Variants in SMURF1 observed in about 807,000 individuals in gnomAD.
SMURF1 encodes the protein E3 ubiquitin-protein ligase SMURF1.
SMURF1 carries 44 observed loss-of-function variants against 98.0 expected under a neutral mutation model. That is an observed-to-expected ratio of 0.45 (90% confidence interval 0.35 to 0.58). SMURF1 has a LOEUF of 0.58. SMURF1 is among the 20% of genes least tolerant of loss of function. SMURF1 has a pLI of 0.00. For missense variants in SMURF1, 687 were observed against 938.4 expected, an observed-to-expected ratio of 0.73 and a Z score of 3.50; for synonymous variants, 396 against 374.9, an observed-to-expected ratio of 1.06 and a Z score of -0.65.
At chr7:99,080,970 C>G (rs1297237494) in intron 1 of SMURF1, 1 of 152,262 alleles carries the variant, frequency 6.6e-6, no homozygotes, top group Non-Finnish European at 1.5e-5. Context: ...AAGCCCGAAG[C>G]CACCGAACTC....
At chr7:99,127,760 T>G (rs1372707525) in intron 1 of SMURF1, among the ~76,000 whole-genome samples, 2 of 152,190 alleles carry the variant, frequency 1.3e-5, no homozygotes, top group African/African-American at 4.8e-5. Context: ...TATTCTAGTA[T>G]GAGAAACACC....
intron 1 of SMURF1, among the ~76,000 whole-genome samples, chr7:99,128,765 C>T (rs1451675525): frequency 6.6e-6 from 1 of 152,190 alleles, no homozygotes; most frequent in African/African-American, 2.4e-5. Context: ...AGGTTACCGG[C>T]ACTACCATTT....
At chr7:99,076,993 T>TAA (rs932552076) in intron 1 of SMURF1, among the ~76,000 whole-genome samples, 1 of 138,062 alleles carries the variant, frequency 7.2e-6, no homozygotes, top group African/African-American at 2.8e-5. Flanking sequence ...ATGTCTATAA[T>TAA]AAAAAAAAAA....
At chr7:99,120,496 C>T (rs150776100) in intron 1 of SMURF1, 1 of 151,466 alleles carries the variant, frequency 6.6e-6, no homozygotes, top group African/African-American at 2.4e-5. Flanking sequence ...ACCACCAAAT[C>T]CTCTCTCCTG....
In SMURF1 at chr7:99,084,608, C is replaced by T. The variant is rs956000065; in HGVS notation, c.56-22771G>A. 5.9e-5 allele frequency among the ~76,000 whole-genome samples: 9 copies of T among 152,146 alleles called. 1 individual carries two copies. On this transcript the variant is annotated intron_variant, in intron 1 of 17. Coordinates refer to ENST00000361368, the MANE Select transcript of SMURF1 (RefSeq NM_181349.3). ...AATATATGGCCAGGATAGTCTCAAT[C>T]TCTTGGCCTCATGATCCACCCACCT...
At chr7:99,066,062 C>G (rs1435785091) in intron 1 of SMURF1, among the ~76,000 whole-genome samples, 1 of 151,466 alleles carries the variant, frequency 6.6e-6, no homozygotes, top group Non-Finnish European at 1.5e-5. Flanking sequence ...AAAAAAGGCA[C>G]AAGCGAGAAG....
At chr7:99,052,050 G>A (rs539844644) in intron 7 of SMURF1, among the ~76,000 whole-genome samples, 155 bp downstream of exon 7, 49 of 152,016 alleles carry the variant, frequency 3.2e-4, no homozygotes, top group African/African-American at 1.1e-3. Context: ...CGCGAGGATC[G>A]CTTGAGCTAG....
intron 13 of SMURF1, 149 bp downstream of exon 13, chr7:99,040,229 A>C: frequency 1.2e-6 from 1 of 865,482 alleles, no homozygotes; most frequent in Non-Finnish European, 1.6e-6. Context: ...CTTCCAAAAA[A>C]TCCCCTTTTT....
chr7:99,116,561 T>A (rs1797459690), intron 1 of SMURF1, among the ~76,000 whole-genome samples: 1 of 152,180 alleles, frequency 6.6e-6, no homozygotes, highest in Non-Finnish European at 1.5e-5. Flanking sequence ...TGTATTTCAA[T>A]ATACCAGCAA....
At chr7:99,119,639 G>A (rs564671228) in intron 1 of SMURF1, among the ~76,000 whole-genome samples, 29 of 152,308 alleles carry the variant, frequency 1.9e-4, no homozygotes, top group African/African-American at 6.3e-4. Context: ...TCAATGATAA[G>A]CTCCAATCCT....
At chr7:99,033,196 A>T (rs1794984699) in intron 16 of SMURF1, 75 bp from the exon 17 acceptor site, 2 of 1,446,608 alleles carry the variant, frequency 1.4e-6, no homozygotes, top group African/African-American at 2.8e-5. Flanking sequence ...AGCCCCCAGG[A>T]GCAGGGCCCT....
chr7:99,115,130 T>C (rs1797408256), intron 1 of SMURF1, among the ~76,000 whole-genome samples: 1 of 151,526 alleles, frequency 6.6e-6, no homozygotes. Context: ...AAAGGAAATA[T>C]TAAAGATTAG....
intron 1 of SMURF1, among the ~76,000 whole-genome samples, chr7:99,093,621 A>G (rs568679009): frequency 1.6e-3 from 249 of 152,228 alleles, no homozygotes; most frequent in African/African-American, 5.8e-3. Flanking sequence ...TGCAAAAAAA[A>G]AAAATCATTT....
At chr7:99,095,843 G>A (rs1191851764) in intron 1 of SMURF1, among the ~76,000 whole-genome samples, 2 of 152,172 alleles carry the variant, frequency 1.3e-5, no homozygotes, top group African/African-American at 2.4e-5. Context: ...GAAATGTATC[G>A]TCTCACAGTT....
chr7:99,037,329 C>T, intron 14 of SMURF1, 142 bp from the exon 15 acceptor site: 1 of 1,033,560 alleles, frequency 9.7e-7, no homozygotes, highest in Non-Finnish European at 1.5e-6. Flanking sequence ...CCTCAGCCTC[C>T]TGGGTTCAAG....
chr7:99,129,567 A>G (rs1413259414), intron 1 of SMURF1, among the ~76,000 whole-genome samples: 2 of 151,924 alleles, frequency 1.3e-5, no homozygotes, highest in East Asian at 3.9e-4. Context: ...ATTTTTTTCT[A>G]TTTTTGTATA....
intron 1 of SMURF1, among the ~76,000 whole-genome samples, chr7:99,064,771 G>C (rs1254661126): frequency 6.6e-6 from 1 of 151,974 alleles, no homozygotes; most frequent in Non-Finnish European, 1.5e-5. Context: ...AGTCTTTTTA[G>C]TGGATAGATC....
At chr7:99,050,891 G>C (rs1207220146) in intron 8 of SMURF1, 1 of 1,247,156 alleles carries the variant, frequency 8.0e-7, no homozygotes, top group Admixed American at 2.5e-5. Flanking sequence ...CTCTGTTATG[G>C]GGTGGGGGGG....
chr7:99,081,265 G>A (rs918872779), intron 1 of SMURF1: 2 of 152,228 alleles, frequency 1.3e-5, no homozygotes, highest in African/African-American at 4.8e-5. Flanking sequence ...GCAGCAGTCT[G>A]GGAGACCGAG....
Sources: gnomAD v4.1 joint callset for allele counts (sites outside exome capture counted in the v4.1 genomes callset) on GRCh38, gnomAD v4.1.1 for gene constraint, MANE v1.5 for transcripts, NCBI Gene and HGNC (gene_info 2026-07-23, HGNC 2026-07-21) for gene names.